Variants in PTPRR observed in about 807,000 individuals in gnomAD.
The protein encoded by PTPRR is receptor-type tyrosine-protein phosphatase R.
A neutral mutation model predicts 77.2 loss-of-function variants in PTPRR; 38 were observed. That is an observed-to-expected ratio of 0.49 (90% CI 0.38 to 0.65). The LOEUF is 0.65. Among genes scored for constraint, PTPRR ranks in the 30% least tolerant of loss-of-function variants. PTPRR has a pLI of 0.00. For synonymous variants in PTPRR, 299 were observed against 283.1 expected (o/e 1.06, Z -0.57); for missense variants, 744 against 799.2 (o/e 0.93, Z 0.83).
At chr12:70,701,790 T>G (rs1254499585) in intron 6 of PTPRR, among the ~76,000 whole-genome samples, 2 of 151,950 alleles carry the variant, frequency 1.3e-5, no homozygotes, top group Non-Finnish European at 2.9e-5. Flanking sequence ...CTGGGCAACA[T>G]GGTAAAACCC....
intron 1 of PTPRR, among the ~76,000 whole-genome samples, chr12:70,911,040 G>T (rs1304925885): frequency 6.6e-6 from 1 of 152,134 alleles, no homozygotes; most frequent in Non-Finnish European, 1.5e-5. Flanking sequence ...GGAAAAGCAG[G>T]GTCAGCTGAG....
intron 2 of PTPRR, among the ~76,000 whole-genome samples, chr12:70,842,553 T>A (rs1488806949): frequency 6.6e-6 from 1 of 152,222 alleles, no homozygotes; most frequent in Non-Finnish European, 1.5e-5. Context: ...CTCTTCCAAC[T>A]TCTGGCAGCT....
At chr12:70,758,202 A>G (rs1324701937) in intron 4 of PTPRR, among the ~76,000 whole-genome samples, 1 of 152,210 alleles carries the variant, frequency 6.6e-6, no homozygotes, top group Admixed American at 6.5e-5. Flanking sequence ...AGATTTCTAG[A>G]TTCCAACAAT....
intron 6 of PTPRR, among the ~76,000 whole-genome samples, chr12:70,720,634 CCAG>C (rs1387286946): frequency 1.3e-5 from 2 of 151,704 alleles, no homozygotes; most frequent in Non-Finnish European, 2.9e-5. Context: ...GCCTCAGTCT[CCAG>C]AGTAGCTGGC....
intron 6 of PTPRR, among the ~76,000 whole-genome samples, chr12:70,715,513 C>A (rs73341017): frequency 6.6e-6 from 1 of 152,076 alleles, no homozygotes; most frequent in African/African-American, 2.4e-5. Flanking sequence ...AGCCTGGGAG[C>A]GCTATGCAAG....
intron 6 of PTPRR, among the ~76,000 whole-genome samples, chr12:70,733,427 C>CAACAAAAAAA (rs1555171072): frequency 2.6e-4 from 7 of 27,038 alleles, no homozygotes; most frequent in Non-Finnish European, 4.0e-4. Flanking sequence ...CAAACAACAA[C>CAACAAAAAAA]AAAAAAAAAA....
chr12:70,783,318 T>C (rs2870863), intron 2 of PTPRR, among the ~76,000 whole-genome samples: 58,628 of 151,740 alleles, frequency 0.39, 14,224 homozygotes, highest in African/African-American at 0.69. Context: ...TGCTACTGGT[T>C]GTGCAGACAT....
intron 2 of PTPRR, among the ~76,000 whole-genome samples, chr12:70,789,836 T>C (rs1891392415): frequency 6.6e-6 from 1 of 152,160 alleles, no homozygotes; most frequent in Non-Finnish European, 1.5e-5. Context: ...TAGGGCAGTG[T>C]TAAGGGTATT....
At chr12:70,889,732 C>A (rs71454300) in intron 2 of PTPRR, among the ~76,000 whole-genome samples, 164 of 152,136 alleles carry the variant, frequency 1.1e-3, no homozygotes, top group African/African-American at 3.7e-3. Flanking sequence ...CTTCTCCCCC[C>A]GCTTCTTTTT....
chr12:70,872,450 C>A (rs574149531), intron 2 of PTPRR, among the ~76,000 whole-genome samples: 1 of 152,098 alleles, frequency 6.6e-6, no homozygotes, highest in East Asian at 1.9e-4. Context: ...AATCCCAGCA[C>A]TTTGGGAGGC....
At chr12:70,840,971 CT>C (rs35818832) in intron 2 of PTPRR, among the ~76,000 whole-genome samples, 165 of 133,222 alleles carry the variant, frequency 1.2e-3, no homozygotes, top group Middle Eastern at 7.9e-3. Flanking sequence ...GTTTTTATGG[CT>C]TTTTTTTTTT....
intron 1 of PTPRR, among the ~76,000 whole-genome samples, chr12:70,911,935 G>T (rs910521732): frequency 1.3e-5 from 2 of 152,058 alleles, no homozygotes; most frequent in Non-Finnish European, 2.9e-5. Context: ...TGCAAGTTTG[G>T]ATATATTATC....
chr12:70,775,146 A>G (rs893419957), intron 2 of PTPRR, among the ~76,000 whole-genome samples: 10 of 152,232 alleles, frequency 6.6e-5, no homozygotes, highest in Non-Finnish European at 1.3e-4. Context: ...TAGAGTTACT[A>G]CATAAGAACA....
intron 6 of PTPRR, among the ~76,000 whole-genome samples, chr12:70,731,551 C>A (rs1272088731): frequency 6.6e-6 from 1 of 152,134 alleles, no homozygotes; most frequent in African/African-American, 2.4e-5. Context: ...TTAAAGTTTA[C>A]AAAGTTTATT....
At chr12:70,905,758 A>G (rs1259754688) in intron 1 of PTPRR, among the ~76,000 whole-genome samples, 1 of 152,014 alleles carries the variant, frequency 6.6e-6, no homozygotes. Flanking sequence ...AAATCCTCGC[A>G]TTGCAAGTAC....
chr12:70,694,187 T>G (rs1592679700), intron 8 of PTPRR, among the ~76,000 whole-genome samples: 1 of 152,170 alleles, frequency 6.6e-6, no homozygotes, highest in East Asian at 1.9e-4. Flanking sequence ...CTGTGCTAGG[T>G]ACTTTATATA....
intron 2 of PTPRR, among the ~76,000 whole-genome samples, chr12:70,792,420 T>C (rs1345999027): frequency 6.6e-6 from 1 of 152,210 alleles, no homozygotes; most frequent in Non-Finnish European, 1.5e-5. Flanking sequence ...AAGTAAAGGT[T>C]GGACCCATTC....
chr12:70,714,242 AATT>A (rs1290513811), intron 6 of PTPRR, among the ~76,000 whole-genome samples: 2 of 152,158 alleles, frequency 1.3e-5, no homozygotes, highest in Non-Finnish European at 2.9e-5. Flanking sequence ...ATCTTGTTTT[AATT>A]ATTAAAATGT....
At chr12:70,908,418 C>A (rs1893654018) in intron 1 of PTPRR, among the ~76,000 whole-genome samples, 5 of 152,136 alleles carry the variant, frequency 3.3e-5, no homozygotes, top group Admixed American at 3.3e-4. Flanking sequence ...AGAAAACTTA[C>A]AATCGGCAGA....
Sources: allele counts gnomAD v4.1 joint callset (sites outside exome capture counted in the v4.1 genomes callset), GRCh38; gene constraint gnomAD v4.1.1; transcripts MANE v1.5; gene names NCBI Gene and HGNC (gene_info 2026-07-23, HGNC 2026-07-21).